The following TMTC2 variants were observed in gnomAD, a reference collection of about 807,000 sequenced individuals.
The protein encoded by TMTC2 is transmembrane O-mannosyltransferase targeting cadherins 2.
Under a neutral mutation model 82.4 loss-of-function variants are expected in TMTC2, and 43 were observed. That is an observed-to-expected ratio of 0.52 (90% CI 0.41 to 0.67). The LOEUF is 0.67. Among genes scored for constraint, TMTC2 ranks in the 30% least tolerant of loss-of-function variants. The pLI is 0.00. For missense variants in TMTC2, 919 were observed against 1,012.4 expected, an observed-to-expected ratio of 0.91 and a Z score of 1.25; for synonymous variants, 408 against 381.9, an observed-to-expected ratio of 1.07 and a Z score of -0.80.
intron 1 of TMTC2, among the ~76,000 whole-genome samples, chr12:82,839,443 C>A (rs982521662): frequency 6.6e-6 from 1 of 152,078 alleles, no homozygotes; most frequent in Non-Finnish European, 1.5e-5. Context: ...TAAATTATAG[C>A]CAATTTACTC....
At chr12:82,847,884 A>G (rs972323529) in intron 1 of TMTC2, among the ~76,000 whole-genome samples, 1 of 152,108 alleles carries the variant, frequency 6.6e-6, no homozygotes, top group African/African-American at 2.4e-5. Flanking sequence ...AACATGGCAC[A>G]TGTATACCTA....
At chr12:82,836,049 T>G (rs1870021194) in intron 1 of TMTC2, among the ~76,000 whole-genome samples, 1 of 152,232 alleles carries the variant, frequency 6.6e-6, no homozygotes, top group South Asian at 2.1e-4. Context: ...TTTCCTTTGA[T>G]AATCTAGCAA....
At chr12:83,123,082 T>C (rs1394484280) in intron 11 of TMTC2, among the ~76,000 whole-genome samples, 1 of 152,194 alleles carries the variant, frequency 6.6e-6, no homozygotes, top group Non-Finnish European at 1.5e-5. Flanking sequence ...CCAAAACTGT[T>C]GGCATTTTGA....
rs540607715 is a variant in TMTC2, at chr12:82,730,518, A to G, written c.83+42849A>G. On this transcript the variant is annotated intron_variant, in intron 1 of 11. Transcript: ENST00000321196. ...TGCTTCTATGTCCACTTTAAACAAC[A>G]TTGACTCTAGTTAGATTTGTGAGTG... 2.0e-5 allele frequency among the ~76,000 whole-genome samples: 3 copies of G among 152,276 alleles called. No individual in the cohort carries two copies. In the East Asian group the frequency reaches 5.8e-4, roughly 29 times the overall value.
At chr12:82,823,742 G>A (rs1298858683) in intron 1 of TMTC2, among the ~76,000 whole-genome samples, 3 of 152,090 alleles carry the variant, frequency 2.0e-5, no homozygotes, top group African/African-American at 7.2e-5. Context: ...TTGAGAAAGG[G>A]AATGGATAGA....
intron 1 of TMTC2, among the ~76,000 whole-genome samples, chr12:82,748,103 G>A (rs1474014665): frequency 1.3e-5 from 2 of 151,864 alleles, no homozygotes; most frequent in African/African-American, 2.4e-5. Flanking sequence ...GCGGTCAGGA[G>A]ATTGAGACCA....
intron 10 of TMTC2, among the ~76,000 whole-genome samples, chr12:83,051,838 A>G (rs1242114153): frequency 6.6e-6 from 1 of 152,206 alleles, no homozygotes; most frequent in Non-Finnish European, 1.5e-5. Flanking sequence ...AAACTAAAAT[A>G]TAAGGCCAGA....
At chr12:83,022,155 C>G (rs76536097) in intron 8 of TMTC2, among the ~76,000 whole-genome samples, 2,465 of 151,940 alleles carry the variant, frequency 0.016, 52 homozygotes, top group African/African-American at 0.055. Flanking sequence ...CTTACAGAAC[C>G]CACTAGGCCC....
chr12:83,005,286 G>A (rs1037310815), intron 8 of TMTC2, among the ~76,000 whole-genome samples: 10 of 138,420 alleles, frequency 7.2e-5, no homozygotes, highest in Non-Finnish European at 1.1e-4. Flanking sequence ...CCGAGACTGC[G>A]CCACCGCACT....
intron 8 of TMTC2, among the ~76,000 whole-genome samples, chr12:83,028,608 C>A (rs989053676): frequency 1.3e-5 from 2 of 152,102 alleles, no homozygotes; most frequent in Non-Finnish European, 2.9e-5. Flanking sequence ...CTCTAAAAAT[C>A]ACATGCTCTG....
intron 4 of TMTC2, among the ~76,000 whole-genome samples, chr12:82,955,700 G>A (rs1291330117): frequency 1.3e-5 from 2 of 152,066 alleles, no homozygotes; most frequent in South Asian, 2.1e-4. Context: ...ATCTCCAGGT[G>A]TATTTTCTTT....
rs1885342818 is a variant in TMTC2 at position 83,133,805 on chromosome 12, A to C, written c.*1416A>C. ...TCTTCACAGAGAAAGTAGCTATACT[A>C]TACCCTACATATTTATTTATTTATT... On this transcript the variant is annotated 3_prime_UTR_variant, in exon 12 of 12. Transcript: ENST00000321196. 1.3e-5 allele frequency: 2 copies of C among 152,222 alleles called. No individual in the cohort carries two copies. The highest frequency in any genetic ancestry group is 2.9e-5 in the Non-Finnish European group (2 of 68,042). 9.4% of individuals were successfully genotyped at this position (152,222 alleles called of 1,614,324 possible).
intron 11 of TMTC2, among the ~76,000 whole-genome samples, chr12:83,105,503 A>T (rs1884363391): frequency 6.6e-6 from 1 of 152,156 alleles, no homozygotes; most frequent in South Asian, 2.1e-4. Flanking sequence ...CTCATAGCAG[A>T]AGATGAAGCA....
chr12:82,781,343 T>A (rs912430789), intron 1 of TMTC2, among the ~76,000 whole-genome samples: 4 of 151,806 alleles, frequency 2.6e-5, no homozygotes, highest in African/African-American at 7.2e-5. Flanking sequence ...CTGTAGTACA[T>A]TTTAAGAAAA....
chr12:82,891,079 C>G (rs1873370277), intron 2 of TMTC2, among the ~76,000 whole-genome samples: 1 of 152,112 alleles, frequency 6.6e-6, no homozygotes, highest in African/African-American at 2.4e-5. Context: ...TACAGAAATG[C>G]TAAGGTAAAT....
At chr12:82,832,346 T>TG (rs1038786316) in intron 1 of TMTC2, among the ~76,000 whole-genome samples, 1 of 151,392 alleles carries the variant, frequency 6.6e-6, no homozygotes, top group African/African-American at 2.4e-5. Flanking sequence ...TGTACAAGTT[T>TG]TTTTTTTTTT....
At chr12:83,029,096 G>C (rs568221861) in intron 8 of TMTC2, among the ~76,000 whole-genome samples, 7 of 152,222 alleles carry the variant, frequency 4.6e-5, no homozygotes, top group African/African-American at 1.7e-4. Flanking sequence ...GTTAATGAAG[G>C]ATGTAGCAAC....
chr12:82,950,894 C>T (rs966019476), intron 4 of TMTC2, among the ~76,000 whole-genome samples: 9 of 152,098 alleles, frequency 5.9e-5, no homozygotes, highest in African/African-American at 1.7e-4. Context: ...ATTAAAAAGT[C>T]ATTTAGATTG....
Position 82,970,656 on chromosome 12 carries a change from A to C in TMTC2, c.1948+3659A>C, listed in dbSNP as rs927966014. 2.6e-5 allele frequency among the ~76,000 whole-genome samples: 4 copies of C among 152,338 alleles called. No homozygotes were observed. In the East Asian group the frequency reaches 7.7e-4, roughly 29 times the overall value. ...CCTCCTTAGGCTTTTAAACTCCAAA[A>C]GTTGATTGTATTCTCTGTCACTGTT... On this transcript the variant is annotated intron_variant, in intron 7 of 11. Transcript: ENST00000321196.
Sources: allele counts gnomAD v4.1 joint callset (sites outside exome capture counted in the v4.1 genomes callset), GRCh38; gene constraint gnomAD v4.1.1; transcripts MANE v1.5; gene names NCBI Gene and HGNC (gene_info 2026-07-23, HGNC 2026-07-21).